Variants in KALRN observed in about 807,000 individuals in gnomAD.
KALRN encodes the protein kalirin.
A neutral mutation model predicts 353.7 loss-of-function variants in KALRN; 70 were observed. That is an observed-to-expected ratio of 0.20 (90% CI 0.16 to 0.24). The LOEUF is 0.24. KALRN is among the 10% of genes least tolerant of loss of function. The probability of loss-of-function intolerance (pLI) is 1.00; values close to 1 mark genes in which losing one functional copy is unlikely to be tolerated. For missense variants in KALRN, 2,791 were observed against 3,756.7 expected (o/e 0.74, Z 6.72); for synonymous variants, 1,391 against 1,434.8 (o/e 0.97, Z 0.69).
chr3:124,207,964 T>G (rs2076557612), intron 1 of KALRN, among the ~76,000 whole-genome samples: 1 of 152,202 alleles, frequency 6.6e-6, no homozygotes, highest in South Asian at 2.1e-4. Flanking sequence ...AGGGGTAACT[T>G]GGTCTGCCTG....
Position 124,326,012 on chromosome 3 carries a change from C to T in KALRN, c.1125C>T (p.Ser375=), listed in dbSNP as rs16835275. The T allele has an allele frequency of 8.0e-3, 12,873 of 1,612,926 alleles. 66 individuals are homozygous for T. Among genetic ancestry groups the T allele is most frequent in the Middle Eastern group, 0.012 (75 of 6,062 alleles). Residue 375 remains serine, a synonymous_variant, in exon 7 of 60, where the codon TCC becomes TCT. Coordinates refer to ENST00000682506, the MANE Select transcript of KALRN (RefSeq NM_001388419.1). ...ATGTCAACATCAACCGCATCATGTCCGTGGCTTCCCGCCTCTCTGAGGCCG... is the reference window on the plus strand; with the variant it reads ...ATGTCAACATCAACCGCATCATGTCTGTGGCTTCCCGCCTCTCTGAGGCCG... ...NAYVNINRIM[S]VASRLSEAGH...
In KALRN at chr3:124,719,753, C is replaced by T. The variant is rs190672607; in HGVS notation, c.*283C>T. ...AAGATAAGAACAATATTAGCTGTTA[C>T]GAAATTTTAACTGTATCTTCCAAAA... is the stretch of plus-strand genomic sequence containing the variant. On this transcript the variant is annotated 3_prime_UTR_variant, in exon 60 of 60. Coordinates refer to ENST00000682506, the MANE Select transcript of KALRN (RefSeq NM_001388419.1). The surrounding 1 kb of genome is among the most constrained non-coding windows in gnomAD (Gnocchi z 5.3). 1.8e-4 allele frequency: 52 copies of T among 288,550 alleles called. No homozygotes were observed. Among genetic ancestry groups the T allele is most frequent in the Admixed American group, 6.5e-4 (14 of 21,560 alleles). The allele number at this position is 288,550 out of a possible 1,614,324, so 17.9% of individuals were successfully genotyped here.
intron 1 of KALRN, among the ~76,000 whole-genome samples, chr3:124,043,403 G>A (rs934253799): frequency 6.6e-6 from 1 of 152,090 alleles, no homozygotes; most frequent in Non-Finnish European, 1.5e-5. Context: ...ATGAGGAAGA[G>A]ACTTAATATT....
chr3:124,212,059 A>T (rs529530719), intron 1 of KALRN, among the ~76,000 whole-genome samples: 2 of 152,294 alleles, frequency 1.3e-5, no homozygotes, highest in Non-Finnish European at 2.9e-5. Flanking sequence ...CATTTAAGAG[A>T]CCAAAGCGGC....
chr3:124,493,586 A>G (rs1003287801), intron 32 of KALRN, among the ~76,000 whole-genome samples: 1 of 152,176 alleles, frequency 6.6e-6, no homozygotes, highest in South Asian at 2.1e-4. Context: ...AGAAAAAAAA[A>G]TGGGGTTCTA....
intron 25 of KALRN, among the ~76,000 whole-genome samples, chr3:124,464,542 A>G (rs2060144204): frequency 6.6e-6 from 1 of 152,192 alleles, no homozygotes; most frequent in Non-Finnish European, 1.5e-5. Flanking sequence ...CATGCTGTAA[A>G]TCGAGGAATA....
intron 1 of KALRN, among the ~76,000 whole-genome samples, chr3:124,205,048 T>C (rs191568283): frequency 7.2e-5 from 11 of 152,348 alleles, no homozygotes; most frequent in Admixed American, 2.6e-4. Context: ...TTCCTTATTA[T>C]TGGTCCTGAA....
chr3:124,125,956 G>A (rs2064610387), intron 1 of KALRN, among the ~76,000 whole-genome samples: 1 of 152,256 alleles, frequency 6.6e-6, no homozygotes, highest in East Asian at 1.9e-4. Context: ...CTCTGAGGCA[G>A]GTTTGGAGGA....
chr3:124,536,756 A>G (rs1042515175), intron 33 of KALRN, among the ~76,000 whole-genome samples: 4 of 152,220 alleles, frequency 2.6e-5, no homozygotes, highest in African/African-American at 9.6e-5. Context: ...CAATTTTTAA[A>G]GAGTTATGAG....
At chr3:124,404,094 A>C (rs2091215692) in intron 13 of KALRN, among the ~76,000 whole-genome samples, 1 of 137,786 alleles carries the variant, frequency 7.3e-6, no homozygotes, top group Non-Finnish European at 1.5e-5. Flanking sequence ...TCATCATCTC[A>C]CTATTGTGTT....
intron 46 of KALRN, 116 bp downstream of exon 46, chr3:124,666,750 G>A (rs539085601): frequency 5.1e-5 from 44 of 870,514 alleles, no homozygotes; most frequent in African/African-American, 2.0e-4. Flanking sequence ...TCTTTCAGCC[G>A]AATAACATTC....
chr3:124,057,305 T>C (rs4527323), intron 1 of KALRN, among the ~76,000 whole-genome samples: 23,706 of 152,068 alleles, frequency 0.16, 2,196 homozygotes, highest in East Asian at 0.47. Context: ...GGAACTGGGA[T>C]TGAGGGAACA....
chr3:124,157,166 G>A (rs1371227765), intron 1 of KALRN, among the ~76,000 whole-genome samples: 2 of 152,150 alleles, frequency 1.3e-5, no homozygotes, highest in East Asian at 3.9e-4. Context: ...TATAATCACA[G>A]GAAGTCAGAG....
intron 7 of KALRN, 128 bp from the exon 8 acceptor site, chr3:124,329,733 A>G (rs1377154949): frequency 9.8e-7 from 1 of 1,022,636 alleles, no homozygotes; most frequent in Non-Finnish European, 1.4e-6. Flanking sequence ...TCTACCCTCT[A>G]CAGTGGTCTC....
intron 13 of KALRN, among the ~76,000 whole-genome samples, chr3:124,408,702 C>A (rs1218102196): frequency 6.6e-6 from 1 of 150,616 alleles, no homozygotes; most frequent in East Asian, 1.9e-4. Context: ...AGTGGGTAGA[C>A]CATAGGAAGT....
intron 10 of KALRN, among the ~76,000 whole-genome samples, chr3:124,349,339 T>C (rs1480700913): frequency 6.6e-6 from 1 of 152,226 alleles, no homozygotes; most frequent in African/African-American, 2.4e-5. Flanking sequence ...TGGGGAGCTA[T>C]TGTTTAATGC....
At chr3:124,180,322 A>G (rs1460644753) in intron 1 of KALRN, among the ~76,000 whole-genome samples, 1 of 151,916 alleles carries the variant, frequency 6.6e-6, no homozygotes, top group African/African-American at 2.4e-5. Context: ...AAGGCTATAG[A>G]GCTTTCCATT....
At position 124,348,641 on chromosome 3, in the gene KALRN, CA is replaced by C. The variant is rs564162808; in HGVS notation, c.1770+1381del. On this transcript the variant is annotated intron_variant, in intron 10 of 59. Coordinates refer to ENST00000682506, the MANE Select transcript of KALRN (RefSeq NM_001388419.1). ...TGTGGAAAACAATGTGGAGGGTCCTCAAAAATTAAAAATAGAAGTACCATAG... is the reference window on the plus strand; with the variant it reads ...TGTGGAAAACAATGTGGAGGGTCCTCAAAATTAAAAATAGAAGTACCATAG... Among the ~76,000 whole-genome samples, 633 of 152,222 alleles carry C rather than the reference CA, an allele frequency of 4.2e-3. 18 individuals carry two copies. The highest frequency in any genetic ancestry group is 1.0e-3 in the Non-Finnish European group (69 of 68,004).
intron 37 of KALRN, among the ~76,000 whole-genome samples, chr3:124,648,896 A>G (rs1032946975): frequency 2.0e-5 from 3 of 152,240 alleles, no homozygotes; most frequent in African/African-American, 7.2e-5. Context: ...CAGATCCTGT[A>G]TCTATAAATT....
Sources: allele counts gnomAD v4.1 joint callset (sites outside exome capture counted in the v4.1 genomes callset), GRCh38; gene constraint gnomAD v4.1.1; non-coding constraint Gnocchi (gnomAD v3.1); transcripts MANE v1.5; gene names NCBI Gene and HGNC (gene_info 2026-07-23, HGNC 2026-07-21).